Variants in BANK1 observed in about 807,000 individuals in gnomAD.
BANK1 encodes the protein B cell scaffold protein with ankyrin repeats 1, also known as B-cell scaffold protein with ankyrin repeats.
In BANK1, 95 loss-of-function variants were observed where a neutral mutation model predicts 94.5. The observed-to-expected ratio is 1.00, with a 90% CI of 0.85 to 1.19. BANK1 has a LOEUF of 1.19. Among genes scored for constraint, BANK1 ranks in the 50% most tolerant of loss-of-function variants. The pLI, the probability that BANK1 is intolerant of heterozygous loss-of-function variation, is 0.00. For synonymous variants in BANK1, 334 were observed against 308.4 expected, an observed-to-expected ratio of 1.08 and a Z score of -0.87; for missense variants, 987 against 932.2, an observed-to-expected ratio of 1.06 and a Z score of -0.77.
intron 9 of BANK1, among the ~76,000 whole-genome samples, chr4:102,028,406 A>C (rs896931306): frequency 6.6e-6 from 1 of 152,212 alleles, no homozygotes; most frequent in African/African-American, 2.4e-5. Context: ...AGTTAAACTA[A>C]ATGAAACTAT....
At chr4:101,907,136 C>T (rs1448691404) in intron 6 of BANK1, among the ~76,000 whole-genome samples, 3 of 152,176 alleles carry the variant, frequency 2.0e-5, no homozygotes, top group Admixed American at 6.6e-5. Context: ...AGGAACATGT[C>T]CTTAAGGCAC....
chr4:101,956,450 T>G (rs57883614), intron 7 of BANK1, among the ~76,000 whole-genome samples: 4,709 of 152,146 alleles, frequency 0.031, 248 homozygotes, highest in African/African-American at 0.11. Flanking sequence ...GAGCAGAGAG[T>G]TAAAATAAAA....
chr4:101,856,008 G>T (rs1286745252), intron 3 of BANK1, among the ~76,000 whole-genome samples: 1 of 152,096 alleles, frequency 6.6e-6, no homozygotes, highest in African/African-American at 2.4e-5. Context: ...TCAGTTTGTG[G>T]CATCCTTGAG....
chr4:101,933,287 C>A (rs1225748862), intron 7 of BANK1, among the ~76,000 whole-genome samples: 4 of 144,438 alleles, frequency 2.8e-5, no homozygotes, highest in Non-Finnish European at 6.0e-5. Context: ...ATTCAATGGC[C>A]ACCAGAGAGA....
At chr4:102,003,941 G>A (rs557419499) in intron 7 of BANK1, among the ~76,000 whole-genome samples, 16 of 149,190 alleles carry the variant, frequency 1.1e-4, no homozygotes, top group Admixed American at 4.7e-4. Context: ...GTGTATATAC[G>A]TATATATACA....
chr4:101,921,813 G>A (rs1291059905), intron 7 of BANK1, among the ~76,000 whole-genome samples: 1 of 151,830 alleles, frequency 6.6e-6, no homozygotes, highest in Non-Finnish European at 1.5e-5. Flanking sequence ...ATAATAAGTT[G>A]TTAATTATAA....
At chr4:101,925,370 T>G (rs887116085) in intron 7 of BANK1, among the ~76,000 whole-genome samples, 1 of 151,728 alleles carries the variant, frequency 6.6e-6, no homozygotes, top group Non-Finnish European at 1.5e-5. Context: ...CTGCTATGAA[T>G]GCAATCATGG....
chr4:102,072,589 A>G (rs535910244), intron 15 of BANK1, among the ~76,000 whole-genome samples, 189 bp downstream of exon 15: 18 of 152,200 alleles, frequency 1.2e-4, no homozygotes, highest in Admixed American at 6.5e-5. Context: ...AAAAAAACAA[A>G]GAGGGAACTC....
At chr4:102,063,229 CT>C in intron 13 of BANK1, 91 bp downstream of exon 13, 1 of 1,160,840 alleles carries the variant, frequency 8.6e-7, no homozygotes, top group East Asian at 2.5e-5. Context: ...GAGTTCAAAT[CT>C]AAACCTCAAC....
At chr4:101,946,827 G>A (rs1046029890) in intron 7 of BANK1, among the ~76,000 whole-genome samples, 2 of 151,946 alleles carry the variant, frequency 1.3e-5, no homozygotes, top group Non-Finnish European at 2.9e-5. Context: ...AATCCCCGCT[G>A]AAATTCTAGA....
At chr4:101,986,877 G>A (rs1007267412) in intron 7 of BANK1, among the ~76,000 whole-genome samples, 1,439 of 79,000 alleles carry the variant, frequency 0.018, 194 homozygotes, top group East Asian at 0.023. Context: ...GTGTGTATGT[G>A]TGTGTGTGTG....
chr4:101,849,267 C>T (rs1162342734), intron 2 of BANK1, among the ~76,000 whole-genome samples: 1 of 152,090 alleles, frequency 6.6e-6, no homozygotes, highest in Non-Finnish European at 1.5e-5. Flanking sequence ...TACAATAATG[C>T]ATTTATTTTA....
At chr4:101,991,109 C>T (rs1372016932) in intron 7 of BANK1, among the ~76,000 whole-genome samples, 1 of 152,082 alleles carries the variant, frequency 6.6e-6, no homozygotes, top group Non-Finnish European at 1.5e-5. Flanking sequence ...AAAATGAAGG[C>T]TTACAATAGT....
At chr4:101,896,195 T>G (rs1722073299) in intron 6 of BANK1, among the ~76,000 whole-genome samples, 1 of 126,788 alleles carries the variant, frequency 7.9e-6, no homozygotes, top group Admixed American at 7.3e-5. Flanking sequence ...TATTTTAGAA[T>G]TTTTTTTTGT....
intron 7 of BANK1, among the ~76,000 whole-genome samples, chr4:101,970,223 G>A (rs1272330322): frequency 6.6e-6 from 1 of 152,086 alleles, no homozygotes; most frequent in Non-Finnish European, 1.5e-5. Context: ...AGGCGCTGGC[G>A]CATAGTACGG....
At chr4:101,986,925 A>G (rs1230840952) in intron 7 of BANK1, among the ~76,000 whole-genome samples, 2 of 135,048 alleles carry the variant, frequency 1.5e-5, no homozygotes, top group African/African-American at 2.9e-5. Context: ...ATATATATAT[A>G]TATATAGTAG....
At chr4:102,053,043 A>G (rs1024654462) in intron 11 of BANK1, among the ~76,000 whole-genome samples, 1 of 152,228 alleles carries the variant, frequency 6.6e-6, no homozygotes, top group African/African-American at 2.4e-5. Flanking sequence ...GTCACAACAA[A>G]AGGGACTCAC....
intron 16 of BANK1, 84 bp downstream of exon 16, chr4:102,073,832 G>T: frequency 9.1e-7 from 1 of 1,094,030 alleles, no homozygotes. Flanking sequence ...CTAAAAAACA[G>T]AATTTTTTAA....
chr4:101,885,838 G>T (rs1358651788), intron 5 of BANK1, among the ~76,000 whole-genome samples: 1 of 152,222 alleles, frequency 6.6e-6, no homozygotes, highest in Admixed American at 6.5e-5. Flanking sequence ...TAGGCTAGGA[G>T]TATAGCCTGC....
Sources: gnomAD v4.1 joint callset for allele counts (sites outside exome capture counted in the v4.1 genomes callset) on GRCh38, gnomAD v4.1.1 for gene constraint, MANE v1.5 for transcripts, NCBI Gene and HGNC (gene_info 2026-07-23, HGNC 2026-07-21) for gene names.